Variants in PTPN13 observed in about 807,000 individuals in gnomAD.
PTPN13 encodes the protein protein tyrosine phosphatase non-receptor type 13.
Under a neutral mutation model 284.0 loss-of-function variants are expected in PTPN13, and 191 were observed. The observed-to-expected ratio is 0.67, with a 90% CI of 0.60 to 0.76. The LOEUF (loss-of-function observed/expected upper bound fraction) is 0.76. Among genes scored for constraint, PTPN13 ranks in the 30% least tolerant of loss-of-function variants. PTPN13 has a pLI of 0.00. For synonymous variants in PTPN13, 986 were observed against 1,022.3 expected (o/e 0.96, Z 0.68); for missense variants, 2,797 against 2,939.9 (o/e 0.95, Z 1.12).
chr4:86,675,840 G>C (rs569793440), intron 3 of PTPN13, among the ~76,000 whole-genome samples: 8 of 152,038 alleles, frequency 5.3e-5, no homozygotes, highest in Non-Finnish European at 1.2e-4. Flanking sequence ...TTTGAAATCG[G>C]TTTGATGGGA....
At chr4:86,728,482 A>G (rs1176060910) in intron 10 of PTPN13, among the ~76,000 whole-genome samples, 2 of 147,722 alleles carry the variant, frequency 1.4e-5, no homozygotes, top group African/African-American at 2.5e-5. Context: ...GACTTCCTTT[A>G]TGAATCTGGG....
At chr4:86,684,015 C>T (rs1729176913) in intron 3 of PTPN13, among the ~76,000 whole-genome samples, 1 of 151,588 alleles carries the variant, frequency 6.6e-6, no homozygotes. Context: ...ACTTCTTGCA[C>T]ATTTAATTTA....
rs1741755477 is a variant in PTPN13, at chr4:86,785,219, T to C, written c.6119-12T>C. 5 of 1,493,430 alleles carry C rather than the reference T, an allele frequency of 3.3e-6. No individual in the cohort carries two copies. Among genetic ancestry groups the C allele is most frequent in the African/African-American group, 2.8e-5 (2 of 70,460 alleles). The allele number at this position is 1,493,430 out of a possible 1,614,324, so 92.5% of individuals were successfully genotyped here. On this transcript the variant is annotated splice_polypyrimidine_tract_variant and intron_variant, in intron 38 of 47. Transcript: ENST00000411767. ...TTAAAGTAAAACCCCATGTAAATTA[T>C]TATTTTTCAAGAATCTTATATACAA...
intron 7 of PTPN13, among the ~76,000 whole-genome samples, chr4:86,713,545 A>AT (rs1732674193): frequency 6.6e-6 from 1 of 152,118 alleles, no homozygotes; most frequent in African/African-American, 2.4e-5. Context: ...GAAAAAAAAA[A>AT]GTACTGGTAA....
chr4:86,629,869 A>G (rs887377550), intron 1 of PTPN13, among the ~76,000 whole-genome samples: 2 of 151,998 alleles, frequency 1.3e-5, no homozygotes, highest in Middle Eastern at 3.2e-3. Context: ...CAATCCTCCC[A>G]TCTCAACCTC....
At chr4:86,602,023 A>C (rs951066634) in intron 1 of PTPN13, among the ~76,000 whole-genome samples, 1 of 152,174 alleles carries the variant, frequency 6.6e-6, no homozygotes. Context: ...AAATCAATCT[A>C]TTGGCAGGAT....
At chr4:86,751,223 C>G (rs1737350775) in intron 19 of PTPN13, 99 bp downstream of exon 19, 1 of 833,792 alleles carries the variant, frequency 1.2e-6, no homozygotes, top group Non-Finnish European at 1.9e-6. Flanking sequence ...GGTTCCATGT[C>G]CTAATTGCCA....
Position 86,745,105 on chromosome 4 carries a change from G to C in PTPN13, c.2627G>C (p.Ser876Thr), listed in dbSNP as rs1484043659. The change falls in exon 17 of 48, where the codon AGC becomes ACC. Residue 876 changes from serine to threonine, a missense_variant. Ser to Thr is a moderately conservative substitution (Grantham distance 58). Transcript: ENST00000411767. ...KFQLQMRARQ[S>T]NQDAQDIERA... is the part of the protein sequence containing the mutation. The stretch of plus-strand genomic sequence containing the variant: ...CAGCTACAGATGAGAGCAAGACAGA[G>C]CAACCAAGATGCCCAAGATATTGGT... 3.1e-6 allele frequency: 5 copies of C among 1,611,362 alleles called. No homozygotes were observed. In the African/African-American group the frequency reaches 6.7e-5, roughly 22 times the overall value.
chr4:86,596,063 G>A (rs995773237), intron 1 of PTPN13, among the ~76,000 whole-genome samples: 3 of 152,104 alleles, frequency 2.0e-5, no homozygotes, highest in Admixed American at 6.5e-5. Flanking sequence ...ATACAGAGGC[G>A]CACTGACTGA....
intron 28 of PTPN13, 115 bp from the exon 29 acceptor site, chr4:86,769,654 T>C: frequency 2.9e-6 from 2 of 680,448 alleles, no homozygotes. Flanking sequence ...TACAGAGCTA[T>C]AAATACGGGA....
intron 2 of PTPN13, among the ~76,000 whole-genome samples, chr4:86,663,527 C>T (rs1363779813): frequency 6.6e-6 from 1 of 152,150 alleles, no homozygotes; most frequent in African/African-American, 2.4e-5. Context: ...TGACCTATTT[C>T]AGAGGAAAAG....
intron 45 of PTPN13, among the ~76,000 whole-genome samples, chr4:86,809,128 G>A (rs1412180370): frequency 6.6e-6 from 1 of 152,154 alleles, no homozygotes; most frequent in Non-Finnish European, 1.5e-5. Context: ...TGAGGTCTAA[G>A]AGGAAACAGG....
intron 17 of PTPN13, among the ~76,000 whole-genome samples, chr4:86,746,628 T>C (rs1736791560): frequency 6.6e-6 from 1 of 152,138 alleles, no homozygotes; most frequent in Non-Finnish European, 1.5e-5. Flanking sequence ...CAGTAATGTT[T>C]TTTTTTGTTT....
chr4:86,777,688 C>A (rs1740814195), intron 35 of PTPN13, among the ~76,000 whole-genome samples: 1 of 152,052 alleles, frequency 6.6e-6, no homozygotes, highest in African/African-American at 2.4e-5. Context: ...TGAATTATTT[C>A]TTTTAAAGTA....
chr4:86,622,348 T>C (rs1052355770), intron 1 of PTPN13, among the ~76,000 whole-genome samples: 2 of 152,328 alleles, frequency 1.3e-5, no homozygotes, highest in South Asian at 4.1e-4. Flanking sequence ...TTGAGAGAGA[T>C]AATTACAGAA....
At chr4:86,746,983 A>G (rs1258354662) in intron 17 of PTPN13, among the ~76,000 whole-genome samples, 2 of 152,232 alleles carry the variant, frequency 1.3e-5, no homozygotes, top group African/African-American at 2.4e-5. Context: ...GAAAGTTTAT[A>G]TGCTCATATA....
At position 86,758,780 on chromosome 4, in the gene PTPN13, A is replaced by G; in HGVS notation, c.3416A>G (p.Lys1139Arg). 1 of 1,612,680 alleles carries G rather than the reference A, an allele frequency of 6.2e-7. No homozygotes were observed. Among genetic ancestry groups the G allele is most frequent in the Non-Finnish European group, 8.5e-7 (1 of 1,179,306 alleles). ...GGPADLDGCL[K>R]PGDRLISVNS... is the part of the protein sequence containing the mutation. ...CCAGCTGACTTGGATGGATGCTTGA[A>G]GCCAGGTACTTTACATTTTGGTAGT... The change falls in exon 22 of 48, where the codon AAG becomes AGG. Residue 1139 changes from lysine (K) to arginine (R), a missense_variant. Physicochemically the swap from Lys to Arg is conservative, Grantham distance 26. Coordinates refer to ENST00000411767, the MANE Select transcript of PTPN13 (RefSeq NM_080683.3).
chr4:86,716,564 T>C lies in PTPN13; in HGVS notation c.1230T>C (p.Asp410=). The C allele has an allele frequency of 6.3e-7, 1 of 1,598,746 alleles. No homozygotes were observed. Among genetic ancestry groups the C allele is most frequent in the Admixed American group, 1.7e-5 (1 of 57,858 alleles). The change falls in exon 8 of 48, where the codon GAT becomes GAC. Residue 410 remains aspartate (D), a synonymous_variant. Coordinates refer to ENST00000411767, the MANE Select transcript of PTPN13 (RefSeq NM_080683.3). Reference sequence around the variant, plus strand: ...GAAGATACAAAACTTATCATGGTGATGTCTTTAGTACCTCCAGTGAAAGTC... The same window carrying C: ...GAAGATACAAAACTTATCATGGTGACGTCTTTAGTACCTCCAGTGAAAGTC... ...PVRRYKTYHG[D]VFSTSSESPS...
intron 20 of PTPN13, among the ~76,000 whole-genome samples, chr4:86,755,009 G>A (rs1490253060): frequency 1.3e-5 from 2 of 152,024 alleles, no homozygotes; most frequent in African/African-American, 4.8e-5. Flanking sequence ...TGGCAAACAT[G>A]TTTTTGCAAA....
Sources: gnomAD v4.1 joint callset for allele counts (sites outside exome capture counted in the v4.1 genomes callset) on GRCh38, gnomAD v4.1.1 for gene constraint, MANE v1.5 for transcripts, NCBI Gene and HGNC (gene_info 2026-07-23, HGNC 2026-07-21) for gene names.